The following PAK4 variants were observed in gnomAD, a reference collection of about 807,000 sequenced individuals.
PAK4 encodes p21 (RAC1) activated kinase 4, also known as serine/threonine-protein kinase PAK 4.
A neutral mutation model predicts 53.5 loss-of-function variants in PAK4; 49 were observed. The ratio of observed to expected loss-of-function variants is 0.92; its 90% CI spans 0.73 to 1.16. The LOEUF is 1.16. Ranked by LOEUF, PAK4 falls within the 50% of genes most tolerant of loss-of-function variation. PAK4 has a pLI of 0.00. For synonymous variants in PAK4, 376 were observed against 375.6 expected, an observed-to-expected ratio of 1.00 and a Z score of -0.01; for missense variants, 824 against 850.7, an observed-to-expected ratio of 0.97 and a Z score of 0.39.
rs1200538658 is a variant in PAK4, at chr19:39,172,814, T to TTGTCTCTGTGTGTGTCGTGCTGTCC, written c.205-99_205-75dup. The TTGTCTCTGTGTGTGTCGTGCTGTCC allele has an allele frequency of 4.1e-6, 4 of 970,770 alleles. No homozygotes were observed. In the African/African-American group the frequency reaches 6.6e-5, roughly 16 times the overall value. The allele number at this position is 970,770 out of a possible 1,614,324, so 60.1% of individuals were successfully genotyped here. The stretch of plus-strand genomic sequence containing the variant: ...GGCATCTCTTCATTGCGTCTCTGTC[T>TTGTCTCTGTGTGTGTCGTGCTGTCC]TGTCTCTGTGTGTGTCGTGCTGTCC... On this transcript the variant is annotated intron_variant, in intron 2 of 8. Coordinates refer to ENST00000358301, the Ensembl canonical transcript of PAK4.
chr19:39,148,487 T>TTTTTTTTTTTTTA (rs58903935), intron 1 of PAK4, among the ~76,000 whole-genome samples: 3 of 139,842 alleles, frequency 2.1e-5, no homozygotes, highest in Non-Finnish European at 1.5e-5. Context: ...TTTTTTTTTT[T>TTTTTTTTTTTTTA]GAGAGAGAGT....
intron 1 of PAK4, among the ~76,000 whole-genome samples, chr19:39,126,787 C>T (rs2073592608): frequency 6.6e-6 from 1 of 152,192 alleles, no homozygotes; most frequent in Non-Finnish European, 1.5e-5. Flanking sequence ...GCTCCACGCC[C>T]TGTGTGCCCG....
At chr19:39,139,063 G>T (rs1405071715) in intron 1 of PAK4, among the ~76,000 whole-genome samples, 1 of 152,212 alleles carries the variant, frequency 6.6e-6, no homozygotes, top group Non-Finnish European at 1.5e-5. Context: ...GCCCATGGCT[G>T]GCTGGGGAGG....
chr19:39,169,287 C>T (rs531058612), intron 1 of PAK4, among the ~76,000 whole-genome samples: 88 of 152,172 alleles, frequency 5.8e-4, no homozygotes, highest in Non-Finnish European at 9.4e-4. Context: ...GCCTTGTGGG[C>T]CCGCAGGAGA....
chr19:39,152,877 C>G (rs2074115854), intron 1 of PAK4, among the ~76,000 whole-genome samples: 1 of 152,056 alleles, frequency 6.6e-6, no homozygotes, highest in Non-Finnish European at 1.5e-5. Flanking sequence ...ATCACGGGTT[C>G]TGCACCCACC....
intron 1 of PAK4, chr19:39,156,917 C>G (rs1001334768): frequency 5.9e-5 from 9 of 152,358 alleles, no homozygotes; most frequent in Admixed American, 5.9e-4. Context: ...GGAGGGTCTG[C>G]CCCTGGCCAC....
chr19:39,157,547 C>G (rs915436667), intron 1 of PAK4, among the ~76,000 whole-genome samples: 1 of 152,200 alleles, frequency 6.6e-6, no homozygotes, highest in Admixed American at 6.5e-5. Flanking sequence ...AGCCGCTCCC[C>G]CACCTTCTCC....
chr19:39,145,492 C>G (rs1417562754), intron 1 of PAK4, among the ~76,000 whole-genome samples: 4 of 151,856 alleles, frequency 2.6e-5, no homozygotes, highest in Non-Finnish European at 4.4e-5. Flanking sequence ...CCTGGGGGGG[C>G]CCCAGGAGGA....
chr19:39,158,001 CATGCATGTGTGT>C (rs1270660813), intron 1 of PAK4, among the ~76,000 whole-genome samples: 1 of 152,082 alleles, frequency 6.6e-6, no homozygotes, highest in African/African-American at 2.4e-5. Flanking sequence ...GTCTAGGGAT[CATGCATGTGTGT>C]ATGCATGTGT....
Position 39,175,176 on chromosome 19 carries a change from C to A in PAK4, c.1232+112C>A. On this transcript the variant is annotated intron_variant, in intron 5 of 8. Transcript: ENST00000358301. This position sits in a 1 kb window ranked among gnomAD's most constrained non-coding sequence, Gnocchi z 4.7. Reference sequence around the variant, plus strand: ...GTGCTCCGGGCCCCTGGGATGGGGTCGTGTCTTCCATTCCTCCCACTCCAG... The same window carrying A: ...GTGCTCCGGGCCCCTGGGATGGGGTAGTGTCTTCCATTCCTCCCACTCCAG... 1 of 1,485,626 alleles carries A rather than the reference C, an allele frequency of 6.7e-7. No individual in the cohort carries two copies. The highest frequency in any genetic ancestry group is 9.2e-7 in the Non-Finnish European group (1 of 1,091,008). 92.0% of individuals were successfully genotyped at this position (1,485,626 alleles called of 1,614,324 possible). A position where few individuals can be genotyped will look rare whatever the true frequency, so the allele number is the denominator to read the frequency against.
exon 2 of PAK4, chr19:39,169,730 C>T (rs750692980): frequency 1.9e-6 from 3 of 1,607,108 alleles, no homozygotes; most frequent in African/African-American, 1.3e-5. Flanking sequence ...CCGCCTGCAT[C>T]ACCTCCATCC....
At chr19:39,138,937 C>T (rs2073865455) in intron 1 of PAK4, among the ~76,000 whole-genome samples, 1 of 152,156 alleles carries the variant, frequency 6.6e-6, no homozygotes, top group South Asian at 2.1e-4. Context: ...ACCCCAGCAC[C>T]CTCCAGTGGG....
intron 1 of PAK4, among the ~76,000 whole-genome samples, chr19:39,138,725 G>C (rs1444781726): frequency 5.3e-5 from 8 of 152,208 alleles, no homozygotes; most frequent in Non-Finnish European, 1.5e-5. Context: ...GGGCGGGCAG[G>C]GTGCCCAGAA....
At position 39,176,842 on chromosome 19, in the gene PAK4, G is replaced by A. The variant is rs953293855; in HGVS notation, c.1485+127G>A. 6 of 1,135,252 alleles carry A rather than the reference G, an allele frequency of 5.3e-6. No individual in the cohort carries two copies. In the African/African-American group the frequency reaches 7.8e-5, roughly 15 times the overall value. 70.3% of individuals were successfully genotyped at this position (1,135,252 alleles called of 1,614,324 possible). ...TGCCAGGAATGGTGCTCTGGACAAG[G>A]AGGTACTGCAGGCATGCATGTATTC... is the stretch of plus-strand genomic sequence containing the variant. On this transcript the variant is annotated intron_variant, in intron 7 of 8. Transcript: ENST00000358301.
chr19:39,144,646 G>A (rs988129293), intron 1 of PAK4, among the ~76,000 whole-genome samples: 6 of 152,210 alleles, frequency 3.9e-5, no homozygotes, highest in African/African-American at 1.4e-4. Context: ...GCATGAGTCC[G>A]AGGGCTCAGG....
Position 39,156,088 on chromosome 19 carries a change from C to T in PAK4, c.-22-13444C>T, listed in dbSNP as rs533080643. ...CAGGATGGCGATATGGGGGCTTCAC[C>T]GTGGTCTCCCCTGACCTCGCCCCTC... is the stretch of plus-strand genomic sequence containing the variant. On this transcript the variant is annotated intron_variant, in intron 1 of 8. Coordinates refer to ENST00000358301, the Ensembl canonical transcript of PAK4. 6.6e-5 allele frequency among the ~76,000 whole-genome samples: 10 copies of T among 152,308 alleles called. No individual in the cohort carries two copies. In the South Asian group the frequency reaches 1.9e-3, roughly 28 times the overall value.
intron 1 of PAK4, among the ~76,000 whole-genome samples, chr19:39,128,763 G>T (rs1368163407): frequency 6.6e-6 from 1 of 152,166 alleles, no homozygotes; most frequent in Non-Finnish European, 1.5e-5. Flanking sequence ...CCTGGGTGTG[G>T]CAGTCACCAT....
intron 7 of PAK4, among the ~76,000 whole-genome samples, chr19:39,177,366 C>G (rs970252028): frequency 8.5e-5 from 13 of 152,154 alleles, no homozygotes; most frequent in Non-Finnish European, 1.6e-4. Context: ...ACTGTGTCTC[C>G]ACTGTGGTGA....
chr19:39,165,556 T>TAAATAAATAAATA (rs761595959), intron 1 of PAK4, among the ~76,000 whole-genome samples: 1 of 124,002 alleles, frequency 8.1e-6, no homozygotes, highest in Non-Finnish European at 1.7e-5. Flanking sequence ...ATAAATAAAA[T>TAAATAAATAAATA]AATAATAGAC....
Sources: gnomAD v4.1 joint callset for allele counts (sites outside exome capture counted in the v4.1 genomes callset) on GRCh38, gnomAD v4.1.1 for gene constraint, Gnocchi (gnomAD v3.1) non-coding constraint, MANE v1.5 for transcripts, NCBI Gene and HGNC (gene_info 2026-07-23, HGNC 2026-07-21) for gene names.